FSTL5: variants seen among roughly 807,000 people sequenced by gnomAD.
FSTL5 encodes follistatin like 5.
In FSTL5, 62 loss-of-function variants were observed where a neutral mutation model predicts 89.1. That is an observed-to-expected ratio of 0.70 (90% CI 0.57 to 0.86). The LOEUF (loss-of-function observed/expected upper bound fraction) is 0.86, where lower values mean the gene tolerates loss of function less well. FSTL5 is among the 40% of genes least tolerant of loss of function. The pLI is 0.00. For synonymous variants in FSTL5, 383 were observed against 346.2 expected, an observed-to-expected ratio of 1.11 and a Z score of -1.18; for missense variants, 1,057 against 1,001.6, an observed-to-expected ratio of 1.06 and a Z score of -0.75.
chr4:161,976,359 A>T (rs1735646243), intron 3 of FSTL5, among the ~76,000 whole-genome samples: 1 of 152,172 alleles, frequency 6.6e-6, no homozygotes. Context: ...CGGGCTGGTA[A>T]AGGAAAATTA....
chr4:162,118,536 C>CGT (rs1464850952), intron 1 of FSTL5, among the ~76,000 whole-genome samples: 4 of 152,210 alleles, frequency 2.6e-5, no homozygotes, highest in African/African-American at 4.8e-5. Flanking sequence ...GCTGGGATTA[C>CGT]AGGCGTGAGA....
chr4:161,666,561 G>C (rs572567986), intron 6 of FSTL5, among the ~76,000 whole-genome samples: 68 of 152,178 alleles, frequency 4.5e-4, no homozygotes, highest in African/African-American at 1.5e-3. Flanking sequence ...TTAGAGTTAT[G>C]ACATAGAAAA....
At position 161,524,344 on chromosome 4, in the gene FSTL5, C is replaced by T. The variant is rs7683381; in HGVS notation, c.1312+13822G>A. 4.3e-3 allele frequency among the ~76,000 whole-genome samples: 649 copies of T among 152,196 alleles called. 9 individuals carry two copies. Among genetic ancestry groups the T allele is most frequent in the African/African-American group, 0.015 (623 of 41,514 alleles). ...GTGTTTGATTGATGTCTCATGCCTC[C>T]CTAGAATGTAAAAAACCAAGCTATA... On this transcript the variant is annotated intron_variant, in intron 10 of 15. Coordinates refer to ENST00000306100, the MANE Select transcript of FSTL5 (RefSeq NM_020116.5).
intron 6 of FSTL5, among the ~76,000 whole-genome samples, chr4:161,678,806 AT>A (rs1409048598): frequency 1.3e-5 from 2 of 151,842 alleles, no homozygotes; most frequent in East Asian, 3.9e-4. Flanking sequence ...ACTGTAGATT[AT>A]TTTGGGAGAG....
Position 162,123,164 on chromosome 4 carries a change from A to T in FSTL5, c.-16-11752T>A, listed in dbSNP as rs1405052631. Among the ~76,000 whole-genome samples, 6 of 152,264 alleles carry T rather than the reference A, an allele frequency of 3.9e-5. No homozygotes were observed. The East Asian group carries it at 1.2e-3, about 29-fold the overall frequency. Reference sequence around the variant, plus strand: ...AGCAGCCTGTGTTCTTTAAATCTGGACCTACATTTATTGTACAAGAAAAAA... The same window carrying T: ...AGCAGCCTGTGTTCTTTAAATCTGGTCCTACATTTATTGTACAAGAAAAAA... On this transcript the variant is annotated intron_variant, in intron 1 of 15. Coordinates refer to ENST00000306100, the MANE Select transcript of FSTL5 (RefSeq NM_020116.5).
intron 4 of FSTL5, among the ~76,000 whole-genome samples, chr4:161,847,961 G>A (rs999324501): frequency 2.0e-5 from 3 of 149,430 alleles, no homozygotes; most frequent in Non-Finnish European, 4.4e-5. Flanking sequence ...TCTTGAACCC[G>A]GGAGGCAGAG....
chr4:162,146,868 A>G (rs563152528), intron 1 of FSTL5, among the ~76,000 whole-genome samples: 150 of 151,580 alleles, frequency 9.9e-4, no homozygotes, highest in African/African-American at 3.4e-3. Context: ...TGCAACCTCC[A>G]TCTCCCAGGT....
intron 7 of FSTL5, among the ~76,000 whole-genome samples, chr4:161,616,535 C>T (rs1308976894): frequency 4.6e-5 from 7 of 152,164 alleles, no homozygotes; most frequent in African/African-American, 1.7e-4. Flanking sequence ...TTCCTTGCTC[C>T]TCAGCTTGCA....
intron 3 of FSTL5, among the ~76,000 whole-genome samples, chr4:161,987,857 C>G (rs566912972): frequency 6.6e-6 from 1 of 151,716 alleles, no homozygotes; most frequent in Admixed American, 6.6e-5. Context: ...TCTTACTTGA[C>G]TTCAAGAGAC....
chr4:162,000,203 G>C (rs1736418795), intron 3 of FSTL5, among the ~76,000 whole-genome samples: 1 of 152,152 alleles, frequency 6.6e-6, no homozygotes, highest in Non-Finnish European at 1.5e-5. Flanking sequence ...TAAAATTGCA[G>C]ATTGAATAAT....
intron 2 of FSTL5, among the ~76,000 whole-genome samples, chr4:162,100,614 A>G (rs1393137893): frequency 1.3e-5 from 2 of 152,112 alleles, no homozygotes; most frequent in African/African-American, 4.8e-5. Context: ...ATTCATCAAA[A>G]CCCCTAGAAT....
intron 4 of FSTL5, among the ~76,000 whole-genome samples, chr4:161,839,606 C>T (rs1156781175): frequency 1.3e-5 from 2 of 151,906 alleles, no homozygotes; most frequent in African/African-American, 4.8e-5. Context: ...TGACAAAAAC[C>T]ATGTATATAC....
chr4:162,031,833 G>A (rs1380643473), intron 3 of FSTL5, among the ~76,000 whole-genome samples: 1 of 152,110 alleles, frequency 6.6e-6, no homozygotes, highest in Non-Finnish European at 1.5e-5. Flanking sequence ...AGCTACTTGG[G>A]AGGTTGAAGC....
rs1732199754 is a variant in FSTL5, at chr4:161,551,183, A to G, written c.1016-8490T>C. On this transcript the variant is annotated intron_variant, in intron 8 of 15. Transcript: ENST00000306100. ...CACTGACTTCCACAATGGTTGAACT[A>G]GTTTACAGTCCCACCAACAGTGTAA... 2.0e-5 allele frequency among the ~76,000 whole-genome samples: 3 copies of G among 149,952 alleles called. No homozygotes were observed. In the South Asian group the frequency reaches 6.3e-4, roughly 32 times the overall value.
At chr4:161,778,983 G>A (rs1460239183) in intron 4 of FSTL5, among the ~76,000 whole-genome samples, 1 of 152,206 alleles carries the variant, frequency 6.6e-6, no homozygotes, top group Non-Finnish European at 1.5e-5. Flanking sequence ...TCTATCAACT[G>A]CCAGTGGAAG....
chr4:162,025,035 T>C (rs1246385447), intron 3 of FSTL5, among the ~76,000 whole-genome samples: 1 of 152,110 alleles, frequency 6.6e-6, no homozygotes, highest in South Asian at 2.1e-4. Flanking sequence ...ATAAGGAAAA[T>C]ATCTTCTATA....
At chr4:161,711,548 A>G (rs1274481018) in intron 6 of FSTL5, among the ~76,000 whole-genome samples, 1 of 152,150 alleles carries the variant, frequency 6.6e-6, no homozygotes, top group Non-Finnish European at 1.5e-5. Flanking sequence ...CCAGGATCAG[A>G]TGTTTTTACT....
intron 5 of FSTL5, among the ~76,000 whole-genome samples, chr4:161,766,906 CGATTGATAGATA>C (rs71598734): frequency 0.081 from 11,268 of 138,688 alleles, 506 homozygotes; most frequent in African/African-American, 0.11. Flanking sequence ...GATGATAGAT[CGATTGATAGATA>C]GATAGATAGA....
In FSTL5 at chr4:161,486,201, A is replaced by G. The variant is rs571289199; in HGVS notation, c.1459-5032T>C. On this transcript the variant is annotated intron_variant, in intron 12 of 15. Coordinates refer to ENST00000306100, the MANE Select transcript of FSTL5 (RefSeq NM_020116.5). Reference sequence around the variant, plus strand: ...GGTTCTCTGCGTAATTTGGATTACAATGCATTCTGTAATTTATGTGAATAA... The same window carrying G: ...GGTTCTCTGCGTAATTTGGATTACAGTGCATTCTGTAATTTATGTGAATAA... Among the ~76,000 whole-genome samples, 4 of 152,214 alleles carry G rather than the reference A, an allele frequency of 2.6e-5. No individual in the cohort carries two copies. In the South Asian group the frequency reaches 6.2e-4, roughly 24 times the overall value.
Sources: gnomAD v4.1 joint callset for allele counts (sites outside exome capture counted in the v4.1 genomes callset) on GRCh38, gnomAD v4.1.1 for gene constraint, MANE v1.5 for transcripts, NCBI Gene and HGNC (gene_info 2026-07-23, HGNC 2026-07-21) for gene names.